Variants in ZFYVE19 observed in about 807,000 individuals in gnomAD.
ZFYVE19 encodes abscission/NoCut checkpoint regulator.
A neutral mutation model predicts 62.8 loss-of-function variants in ZFYVE19; 49 were observed. The observed-to-expected ratio is 0.78, with a 90% CI of 0.62 to 0.99. ZFYVE19 has a LOEUF of 0.99. ZFYVE19 is among the 50% of genes least tolerant of loss of function. The probability of loss-of-function intolerance (pLI) is 0.00; values close to 1 mark genes in which losing one functional copy is unlikely to be tolerated. For synonymous variants in ZFYVE19, 242 were observed against 234.3 expected (o/e 1.03, Z -0.30); for missense variants, 630 against 601.9 (o/e 1.05, Z -0.49).
Position 40,813,689 on chromosome 15 carries a change from A to G in ZFYVE19, c.1111-24A>G, listed in dbSNP as rs756279584. ...GGGCCTGGGCCTGAAGCAGGGGAGTAGTACATCTTCACCCTGTCCGCAGCT... is the reference window on the plus strand; with the variant it reads ...GGGCCTGGGCCTGAAGCAGGGGAGTGGTACATCTTCACCCTGTCCGCAGCT... On this transcript the variant is annotated intron_variant, in intron 8 of 10. Transcript: ENST00000355341. 1.1e-5 allele frequency: 17 copies of G among 1,600,614 alleles called. No individual in the cohort carries two copies. In the Admixed American group the frequency reaches 1.4e-4, roughly 13 times the overall value.
chr15:40,807,842 G>T lies in ZFYVE19; in HGVS notation c.253G>T (p.Val85Phe). 1 of 1,535,876 alleles carries T rather than the reference G, an allele frequency of 6.5e-7. No individual in the cohort carries two copies. The highest frequency in any genetic ancestry group is 1.2e-5 in the South Asian group (1 of 80,964). ...GGAGAGTAGGTGCTACGGCTGCGCT[G>T]TCAAGTTCACCCTCTTCAAGAAGGA... ...TMESRCYGCA[V>F]KFTLFKKEYG... Residue 85 changes from valine to phenylalanine, a missense_variant, in exon 1 of 11, where the codon GTC becomes TTC. By Grantham distance (50) the Val-to-Phe change is conservative (BLOSUM62 -1). Coordinates refer to ENST00000355341, the MANE Select transcript of ZFYVE19 (RefSeq NM_001077268.2).
intron 1 of ZFYVE19, chr15:40,808,884 C>T (rs1890376784): frequency 4.2e-6 from 2 of 477,132 alleles, no homozygotes; most frequent in Middle Eastern, 5.4e-4. Context: ...GAATTGAAGA[C>T]AGGGTAGAAA....
Position 40,810,094 on chromosome 15 carries a change from A to C in ZFYVE19, c.595A>C (p.Ile199Leu), listed in dbSNP as rs777820079. Residue 199 changes from isoleucine to leucine, a missense_variant, in exon 5 of 11, where the codon ATA becomes CTA. Ile to Leu is a conservative substitution (Grantham distance 5). Transcript: ENST00000355341. ...AGAGTTAGTCCCCTCACAGGCAGAG[A>C]TAGAGGCACGGCTGGCTGCCCTAAA... ...KPKLVPSQAE[I>L]EARLAALKDE... 4 of 1,614,038 alleles carry C rather than the reference A, an allele frequency of 2.5e-6. No individual in the cohort carries two copies. In the African/African-American group the frequency reaches 5.3e-5, roughly 22 times the overall value.
rs748996875 is a variant in ZFYVE19, at chr15:40,814,201, C to T, written c.1391C>T (p.Pro464Leu). The T allele has an allele frequency of 2.5e-6, 4 of 1,614,100 alleles. No homozygotes were observed. Among genetic ancestry groups the T allele is most frequent in the Non-Finnish European group, 3.4e-6 (4 of 1,180,050 alleles). The change falls in exon 11 of 11, where the codon CCT (proline) becomes CTT (leucine). Residue 464 changes from proline (P) to leucine (L), a missense_variant. Pro to Leu is a moderately conservative substitution (Grantham distance 98). Coordinates refer to ENST00000355341, the MANE Select transcript of ZFYVE19 (RefSeq NM_001077268.2). ...LKEHQTSAYS[P>L]PRAGQEH ...GAGCACCAGACATCTGCCTACTCTC[C>T]TCCACGTGCAGGCCAAGAGCACTGA...
At chr15:40,813,039 A>AC in intron 7 of ZFYVE19, 137 bp downstream of exon 7, 1 of 1,027,726 alleles carries the variant, frequency 9.7e-7, no homozygotes. Flanking sequence ...GTGGTAGAGC[A>AC]AAGCAGTGGG....
intron 1 of ZFYVE19, chr15:40,808,779 G>A (rs1401992342): frequency 2.5e-5 from 8 of 316,028 alleles, no homozygotes; most frequent in East Asian, 7.3e-5. Flanking sequence ...AGGAGGCATC[G>A]GCTCTGCCCT....
rs1205920742 is a variant in ZFYVE19 at position 40,813,358 on chromosome 15, C to A, written c.1051C>A (p.Leu351Ile). The part of the protein sequence containing the change: ...PERVTLQDYR[L>I]PDSDDDEDEE... The stretch of plus-strand genomic sequence containing the variant: ...TCAAGTGACCCTCCAGGACTATCGC[C>A]TCCCAGACAGTGATGACGACGAGGA... The change falls in exon 8 of 11, where the codon CTC becomes ATC. Residue 351 changes from leucine (L) to isoleucine (I), a missense_variant. Transcript: ENST00000355341. The A allele has an allele frequency of 6.2e-7, 1 of 1,613,222 alleles. No homozygotes were observed. The highest frequency in any genetic ancestry group is 1.3e-5 in the African/African-American group (1 of 74,910).
intron 1 of ZFYVE19, chr15:40,808,534 G>A: frequency 8.7e-7 from 1 of 1,152,746 alleles, no homozygotes; most frequent in Admixed American, 2.9e-5. Context: ...CTGTCTTATT[G>A]AGGCGGTGAC....
chr15:40,813,996 C>T lies in ZFYVE19; in HGVS notation c.1263C>T (p.Cys421=). The change falls in exon 10 of 11, where the codon TGC becomes TGT. Residue 421 remains cysteine, a synonymous_variant. Coordinates refer to ENST00000355341, the MANE Select transcript of ZFYVE19 (RefSeq NM_001077268.2). ...CTGAGGAAGAGGAGCTCCCCTGGTG[C>T]TGCATCTGCAATGAGGATGCCACCC... The part of the protein sequence containing the change: ...PEAEEEELPW[C]CICNEDATLR... 1 of 1,613,848 alleles carries T rather than the reference C, an allele frequency of 6.2e-7. No individual in the cohort carries two copies. The highest frequency in any genetic ancestry group is 8.5e-7 in the Non-Finnish European group (1 of 1,179,866).
At chr15:40,812,672 CCTTG>C in intron 6 of ZFYVE19, 23 bp from the exon 7 acceptor site, 1 of 1,593,400 alleles carries the variant, frequency 6.3e-7, no homozygotes, top group Non-Finnish European at 8.5e-7. Context: ...GATGTCTCGG[CCTTG>C]CTGATGGCAT....
intron 3 of ZFYVE19, 32 bp from the exon 4 acceptor site, chr15:40,809,817 CCTT>C (rs1566837037): frequency 6.2e-7 from 1 of 1,604,462 alleles, no homozygotes; most frequent in Admixed American, 1.7e-5. Context: ...TTCCCCTCTG[CCTT>C]CTTCAAGAGC....
intron 1 of ZFYVE19, chr15:40,808,484 C>T: frequency 6.8e-7 from 1 of 1,471,604 alleles, no homozygotes; most frequent in Non-Finnish European, 9.0e-7. Flanking sequence ...CAGCATTCAC[C>T]AACCTGGATT....
rs749661168 is a variant in ZFYVE19, at chr15:40,813,353, A to G, written c.1046A>G (p.Tyr349Cys). The change falls in exon 8 of 11, where the codon TAT becomes TGT. Residue 349 changes from tyrosine to cysteine, a missense_variant. Coordinates refer to ENST00000355341, the MANE Select transcript of ZFYVE19 (RefSeq NM_001077268.2). Reference protein sequence around the residue: ...QDPERVTLQDYRLPDSDDDED... With the variant: ...QDPERVTLQDCRLPDSDDDED... ...CCTCTTCAAGTGACCCTCCAGGACT[A>G]TCGCCTCCCAGACAGTGATGACGAC... The G allele has an allele frequency of 6.2e-6, 10 of 1,613,246 alleles. No individual in the cohort carries two copies. Among genetic ancestry groups the G allele is most frequent in the Non-Finnish European group, 8.5e-6 (10 of 1,179,698 alleles).
In ZFYVE19 at chr15:40,810,777, C is replaced by T. The variant is rs1157870832; in HGVS notation, c.826+20C>T. The T allele has an allele frequency of 6.4e-7, 1 of 1,552,236 alleles. No individual in the cohort carries two copies. The highest frequency in any genetic ancestry group is 8.7e-7 in the Non-Finnish European group (1 of 1,147,280). Reference sequence around the variant, plus strand: ...GCCCAGGTAACCCCTCCACTTGGCTCCCTAGGAATCTGCCCTACCTCTTTC... The same window carrying T: ...GCCCAGGTAACCCCTCCACTTGGCTTCCTAGGAATCTGCCCTACCTCTTTC... On this transcript the variant is annotated intron_variant, in intron 6 of 10. Transcript: ENST00000355341.
Position 40,809,100 on chromosome 15 carries a change from C to G in ZFYVE19, c.280-19C>G, listed in dbSNP as rs374936603. On this transcript the variant is annotated intron_variant, in intron 1 of 10. Coordinates refer to ENST00000355341, the MANE Select transcript of ZFYVE19 (RefSeq NM_001077268.2). ...AGGGGCGGGTGAGAGGGGGATCTCCCGCTTCATGTTTCTTGTAGTACGGCT... is the reference window on the plus strand; with the variant it reads ...AGGGGCGGGTGAGAGGGGGATCTCCGGCTTCATGTTTCTTGTAGTACGGCT... The G allele has an allele frequency of 1.2e-4, 188 of 1,611,682 alleles. No homozygotes were observed. The South Asian group carries it at 2.0e-3, about 17-fold the overall frequency.
chr15:40,807,350 T>C lies in ZFYVE19; in HGVS notation c.-240T>C. Reference sequence around the variant, plus strand: ...CCGCCAGACCTCTCAAGATCAGCCTTCCTCGCCACCGTTCTCACCTCTTTG... The same window carrying C: ...CCGCCAGACCTCTCAAGATCAGCCTCCCTCGCCACCGTTCTCACCTCTTTG... On this transcript the variant is annotated 5_prime_UTR_variant, in exon 1 of 11. Coordinates refer to ENST00000355341, the MANE Select transcript of ZFYVE19 (RefSeq NM_001077268.2). 1 of 1,614,212 alleles carries C rather than the reference T, an allele frequency of 6.2e-7. No individual in the cohort carries two copies.
At position 40,807,358 on chromosome 15, in the gene ZFYVE19, AC is replaced by A; in HGVS notation, c.-230del. The A allele has an allele frequency of 1.2e-6, 2 of 1,614,236 alleles. No individual in the cohort carries two copies. Among genetic ancestry groups the A allele is most frequent in the Non-Finnish European group, 1.7e-6 (2 of 1,180,032 alleles). On this transcript the variant is annotated 5_prime_UTR_variant, in exon 1 of 11. The change abolishes the stop of an existing upstream ORF in the 5' untranslated region. Transcript: ENST00000355341. Reference sequence around the variant, plus strand: ...CCTCTCAAGATCAGCCTTCCTCGCCACCGTTCTCACCTCTTTGTCCGCTGCC... The same window carrying A: ...CCTCTCAAGATCAGCCTTCCTCGCCACGTTCTCACCTCTTTGTCCGCTGCC...
intron 6 of ZFYVE19, among the ~76,000 whole-genome samples, chr15:40,812,390 AC>A (rs1890513158): frequency 6.6e-6 from 1 of 151,954 alleles, no homozygotes; most frequent in South Asian, 2.1e-4. Flanking sequence ...TACTAAAAAT[AC>A]AAAAATTAGC....
intron 6 of ZFYVE19, among the ~76,000 whole-genome samples, chr15:40,812,403 G>A (rs768086797): frequency 1.9e-4 from 29 of 151,826 alleles, no homozygotes; most frequent in Non-Finnish European, 3.8e-4. Context: ...AAAATTAGCC[G>A]GGCATGGTGT....
Sources: allele counts gnomAD v4.1 joint callset (sites outside exome capture counted in the v4.1 genomes callset), GRCh38; gene constraint gnomAD v4.1.1; transcripts MANE v1.5; gene names NCBI Gene and HGNC (gene_info 2026-07-23, HGNC 2026-07-21).